Variants in TAFA1 observed in about 807,000 individuals in gnomAD.
TAFA1 encodes the protein TAFA chemokine like family member 1.
A neutral mutation model predicts 18.5 loss-of-function variants in TAFA1; 4 were observed. The observed-to-expected ratio is 0.22, with a 90% CI of 0.11 to 0.49. The LOEUF (loss-of-function observed/expected upper bound fraction) is 0.49. Among genes scored for constraint, TAFA1 ranks in the 20% least tolerant of loss-of-function variants. The pLI, the probability that TAFA1 is intolerant of heterozygous loss-of-function variation, is 0.98. For missense variants in TAFA1, 147 were observed against 169.0 expected (o/e 0.87, Z 0.72); for synonymous variants, 56 against 55.2 (o/e 1.01, Z -0.06).
At chr3:68,382,724 T>C (rs1247548391) in intron 2 of TAFA1, among the ~76,000 whole-genome samples, 4 of 152,144 alleles carry the variant, frequency 2.6e-5, no homozygotes, top group African/African-American at 4.8e-5. Flanking sequence ...TTTAAAATAC[T>C]ATTTTCTAGT....
At chr3:68,400,468 C>G (rs1305306301) in intron 2 of TAFA1, among the ~76,000 whole-genome samples, 1 of 152,128 alleles carries the variant, frequency 6.6e-6, no homozygotes, top group Non-Finnish European at 1.5e-5. Flanking sequence ...CTCAAGAGAG[C>G]TTTATTGCTT....
At chr3:68,057,754 C>A (rs758223797) in intron 2 of TAFA1, among the ~76,000 whole-genome samples, 1 of 152,126 alleles carries the variant, frequency 6.6e-6, no homozygotes, top group Non-Finnish European at 1.5e-5. Context: ...AAAGATACAG[C>A]CTCCAGTGAG....
At chr3:68,083,519 G>A (rs922641055) in intron 2 of TAFA1, among the ~76,000 whole-genome samples, 26 of 152,136 alleles carry the variant, frequency 1.7e-4, no homozygotes. Context: ...TCATTTAGTG[G>A]CATGGAACAG....
intron 2 of TAFA1, among the ~76,000 whole-genome samples, chr3:68,288,709 A>G (rs991127252): frequency 1.3e-5 from 2 of 152,318 alleles, no homozygotes; most frequent in South Asian, 4.1e-4. Flanking sequence ...TATGCAAAAC[A>G]TAACAGTGAG....
chr3:68,192,225 T>C (rs1309624436), intron 2 of TAFA1, among the ~76,000 whole-genome samples: 1 of 151,812 alleles, frequency 6.6e-6, no homozygotes, highest in Non-Finnish European at 1.5e-5. Context: ...CAATTAAAAC[T>C]AAACAGGAGT....
At chr3:68,286,079 C>T (rs558699973) in intron 2 of TAFA1, among the ~76,000 whole-genome samples, 2 of 152,052 alleles carry the variant, frequency 1.3e-5, no homozygotes, top group East Asian at 1.9e-4. Flanking sequence ...GGCGTGGTGG[C>T]ATGCACCTGT....
At chr3:68,491,316 T>A (rs1466045014) in intron 3 of TAFA1, among the ~76,000 whole-genome samples, 1 of 151,980 alleles carries the variant, frequency 6.6e-6, no homozygotes, top group Non-Finnish European at 1.5e-5. Context: ...TAGACTGGAT[T>A]AAGAAAAGAT....
At chr3:68,455,099 A>G (rs1198293883) in intron 3 of TAFA1, among the ~76,000 whole-genome samples, 3 of 152,218 alleles carry the variant, frequency 2.0e-5, no homozygotes, top group Non-Finnish European at 4.4e-5. Flanking sequence ...TAGAGAAAAG[A>G]AAATATTATT....
chr3:68,132,405 G>A (rs138201927), intron 2 of TAFA1, among the ~76,000 whole-genome samples: 319 of 152,310 alleles, frequency 2.1e-3, no homozygotes, highest in African/African-American at 7.4e-3. Flanking sequence ...TAATGGGATT[G>A]CTGGGTCAAA....
At chr3:68,177,040 C>T (rs1415918270) in intron 2 of TAFA1, among the ~76,000 whole-genome samples, 2 of 152,050 alleles carry the variant, frequency 1.3e-5, no homozygotes, top group East Asian at 3.9e-4. Flanking sequence ...CTTCATAGAC[C>T]TTACTGAAAC....
At chr3:68,038,625 C>A (rs1424384603) in intron 2 of TAFA1, among the ~76,000 whole-genome samples, 2 of 151,636 alleles carry the variant, frequency 1.3e-5, no homozygotes, top group African/African-American at 4.9e-5. Flanking sequence ...TCAGGGTAGT[C>A]ACATTTGCTG....
chr3:68,321,655 A>G (rs2068698968), intron 2 of TAFA1, among the ~76,000 whole-genome samples: 1 of 152,156 alleles, frequency 6.6e-6, no homozygotes, highest in Admixed American at 6.5e-5. Flanking sequence ...GGAAGCCATC[A>G]TTGATCTCCC....
At chr3:68,164,917 A>T (rs2106946403) in intron 2 of TAFA1, among the ~76,000 whole-genome samples, 1 of 152,118 alleles carries the variant, frequency 6.6e-6, no homozygotes, top group African/African-American at 2.4e-5. Flanking sequence ...ACTCCCTAAA[A>T]TATATTTAAA....
chr3:68,430,254 C>T (rs1053903625), intron 3 of TAFA1, among the ~76,000 whole-genome samples: 14 of 151,842 alleles, frequency 9.2e-5, no homozygotes, highest in Admixed American at 9.2e-4. Flanking sequence ...AGGTACAGCT[C>T]AAGCTAGTGG....
chr3:68,138,885 T>G (rs2106897613), intron 2 of TAFA1, among the ~76,000 whole-genome samples: 1 of 152,142 alleles, frequency 6.6e-6, no homozygotes, highest in Middle Eastern at 3.4e-3. Flanking sequence ...CAGGGTAGAG[T>G]TAGGATATGT....
At chr3:68,204,185 T>A (rs1209818131) in intron 2 of TAFA1, among the ~76,000 whole-genome samples, 3 of 151,792 alleles carry the variant, frequency 2.0e-5, no homozygotes, top group Admixed American at 6.6e-5. Context: ...TAAAATTAGT[T>A]TGTGATTTTT....
At chr3:68,472,649 A>G (rs186183970) in intron 3 of TAFA1, among the ~76,000 whole-genome samples, 1 of 152,278 alleles carries the variant, frequency 6.6e-6, no homozygotes, top group Non-Finnish European at 1.5e-5. Context: ...GCAAAATGTT[A>G]TGGAAAGAAA....
intron 2 of TAFA1, among the ~76,000 whole-genome samples, chr3:68,177,300 A>G (rs1351006233): frequency 6.6e-6 from 1 of 152,202 alleles, no homozygotes; most frequent in Non-Finnish European, 1.5e-5. Context: ...TAATGATCAG[A>G]GAAGTTTAGA....
chr3:68,420,748 C>T (rs1319362510), intron 3 of TAFA1, among the ~76,000 whole-genome samples: 2 of 152,020 alleles, frequency 1.3e-5, no homozygotes, highest in African/African-American at 4.8e-5. Flanking sequence ...CCCCCGAATC[C>T]CCACAACGAA....
Sources: gnomAD v4.1 joint callset for allele counts (sites outside exome capture counted in the v4.1 genomes callset) on GRCh38, gnomAD v4.1.1 for gene constraint, MANE v1.5 for transcripts, NCBI Gene and HGNC (gene_info 2026-07-23, HGNC 2026-07-21) for gene names.